Variants in MAGI2 observed in about 807,000 individuals in gnomAD.
MAGI2 encodes membrane-associated guanylate kinase, WW and PDZ domain-containing protein 2.
Under a neutral mutation model 133.3 loss-of-function variants are expected in MAGI2, and 35 were observed. That is an observed-to-expected ratio of 0.26 (90% CI 0.20 to 0.35). The LOEUF (loss-of-function observed/expected upper bound fraction) is 0.35. MAGI2 is among the 10% of genes least tolerant of loss of function. The probability of loss-of-function intolerance (pLI) is 1.00; values close to 1 mark genes in which losing one functional copy is unlikely to be tolerated. For synonymous variants in MAGI2, 729 were observed against 710.6 expected (o/e 1.03, Z -0.41); for missense variants, 1,636 against 1,863.4 (o/e 0.88, Z 2.25).
intron 9 of MAGI2, among the ~76,000 whole-genome samples, chr7:78,324,148 C>T (rs1480128939): frequency 7.6e-6 from 1 of 131,878 alleles, no homozygotes; most frequent in East Asian, 2.4e-4. Flanking sequence ...CACTACACTA[C>T]ACTACACACT....
intron 1 of MAGI2, among the ~76,000 whole-genome samples, chr7:79,234,489 A>G (rs1831694622): frequency 1.3e-5 from 2 of 151,712 alleles, no homozygotes; most frequent in Non-Finnish European, 2.9e-5. Context: ...AGGCTTTCTC[A>G]TTTCTTTTTA....
At chr7:79,059,942 G>A (rs1185396617) in intron 1 of MAGI2, among the ~76,000 whole-genome samples, 2 of 152,074 alleles carry the variant, frequency 1.3e-5, no homozygotes, top group African/African-American at 4.8e-5. Flanking sequence ...TTCATGTGTG[G>A]CATAGGTCAA....
chr7:79,181,072 C>A (rs1242198039), intron 1 of MAGI2, among the ~76,000 whole-genome samples: 3 of 151,898 alleles, frequency 2.0e-5, no homozygotes, highest in Non-Finnish European at 4.4e-5. Context: ...CATGGTCTGG[C>A]ATTGAGTATC....
intron 1 of MAGI2, among the ~76,000 whole-genome samples, chr7:79,438,469 G>T (rs1274263378): frequency 6.6e-6 from 1 of 151,976 alleles, no homozygotes; most frequent in Non-Finnish European, 1.5e-5. Context: ...ACAATATTCT[G>T]AAATATTGTG....
intron 1 of MAGI2, among the ~76,000 whole-genome samples, chr7:79,077,464 A>G (rs1290412473): frequency 6.6e-6 from 1 of 151,232 alleles, no homozygotes; most frequent in Non-Finnish European, 1.5e-5. Flanking sequence ...AGTCCCAGCT[A>G]CTCAGGAGGC....
At chr7:78,330,044 T>G (rs142119891) in intron 9 of MAGI2, among the ~76,000 whole-genome samples, 5 of 152,222 alleles carry the variant, frequency 3.3e-5, no homozygotes, top group Non-Finnish European at 1.5e-5. Context: ...GTTCATAAGA[T>G]CTTTTCATGT....
At chr7:78,534,774 G>C (rs1797741592) in intron 3 of MAGI2, among the ~76,000 whole-genome samples, 2 of 152,260 alleles carry the variant, frequency 1.3e-5, no homozygotes, top group South Asian at 2.1e-4. Context: ...TGATAGTGGG[G>C]GAGCAAGTAG....
chr7:78,666,930 T>C (rs1288296456), intron 2 of MAGI2, among the ~76,000 whole-genome samples: 1 of 152,154 alleles, frequency 6.6e-6, no homozygotes, highest in African/African-American at 2.4e-5. Flanking sequence ...CTTTATGAAA[T>C]GTGATCAGTA....
At chr7:79,193,972 T>G (rs1365552998) in intron 1 of MAGI2, among the ~76,000 whole-genome samples, 1 of 151,936 alleles carries the variant, frequency 6.6e-6, no homozygotes, top group Non-Finnish European at 1.5e-5. Flanking sequence ...GTTTGTTTGT[T>G]TGTTTTGTTT....
chr7:78,863,197 A>G (rs1328329514), intron 2 of MAGI2, among the ~76,000 whole-genome samples: 1 of 152,260 alleles, frequency 6.6e-6, no homozygotes, highest in Non-Finnish European at 1.5e-5. Flanking sequence ...GTGAGAGGCA[A>G]TGGAGGGAAG....
At chr7:78,648,265 G>C (rs1370116076) in intron 2 of MAGI2, among the ~76,000 whole-genome samples, 2 of 152,120 alleles carry the variant, frequency 1.3e-5, no homozygotes, top group Non-Finnish European at 2.9e-5. Flanking sequence ...ACACATAGAA[G>C]GATGTTCACT....
At chr7:78,286,550 T>C (rs1584725354) in intron 9 of MAGI2, among the ~76,000 whole-genome samples, 2 of 152,278 alleles carry the variant, frequency 1.3e-5, no homozygotes, top group Admixed American at 1.3e-4. Flanking sequence ...GCATTCCTTC[T>C]ATCTTGTGTA....
intron 3 of MAGI2, among the ~76,000 whole-genome samples, chr7:78,538,828 CTTTA>C (rs1373712893): frequency 6.6e-6 from 1 of 152,036 alleles, no homozygotes; most frequent in Admixed American, 6.6e-5. Context: ...TTTGGATGTC[CTTTA>C]TTTCTTTCTC....
chr7:79,145,217 T>C (rs929853844), intron 1 of MAGI2, among the ~76,000 whole-genome samples: 1 of 152,230 alleles, frequency 6.6e-6, no homozygotes, highest in Non-Finnish European at 1.5e-5. Flanking sequence ...ACTTTATTTT[T>C]CTGTTAGAAA....
chr7:78,882,086 C>CAAAAAAAAAAAAAA lies in MAGI2; in HGVS notation c.418+124990_418+125003dup, dbSNP rs771918590. On this transcript the variant is annotated intron_variant, in intron 2 of 21. Transcript: ENST00000354212. ...GCTAGATTAACAACAACAACAACAA[C>CAAAAAAAAAAAAAA]AAAAAAAAAAAAAAAAAAAAAAGAA... Among the ~76,000 whole-genome samples, 13 of 12,468 alleles carry CAAAAAAAAAAAAAA rather than the reference C, an allele frequency of 1.0e-3. 1 individual carries two copies. Among genetic ancestry groups the CAAAAAAAAAAAAAA allele is most frequent in the East Asian group, 3.2e-3 (1 of 312 alleles). 8.2% of individuals were successfully genotyped at this position (12,468 alleles called of 152,430 possible).
chr7:78,958,152 T>A (rs1260878894), intron 2 of MAGI2, among the ~76,000 whole-genome samples: 3 of 152,172 alleles, frequency 2.0e-5, no homozygotes, highest in Non-Finnish European at 4.4e-5. Flanking sequence ...TTATTTCCTT[T>A]GTCCTTCCCA....
intron 1 of MAGI2, among the ~76,000 whole-genome samples, chr7:79,033,433 A>G (rs1249194116): frequency 6.6e-6 from 1 of 152,208 alleles, no homozygotes. Context: ...ATATTTCAGA[A>G]TAAACATTTT....
At chr7:78,975,705 T>C (rs1422727424) in intron 2 of MAGI2, among the ~76,000 whole-genome samples, 3 of 151,542 alleles carry the variant, frequency 2.0e-5, no homozygotes, top group Middle Eastern at 6.8e-3. Flanking sequence ...AGGAAAATAA[T>C]AGAGAAAATC....
intron 6 of MAGI2, among the ~76,000 whole-genome samples, chr7:78,473,481 G>C (rs1271922958): frequency 3.3e-5 from 5 of 151,940 alleles, no homozygotes; most frequent in Admixed American, 6.6e-5. Flanking sequence ...AAAATCTACT[G>C]TTCTCTCCCA....
Sources: allele counts gnomAD v4.1 joint callset (sites outside exome capture counted in the v4.1 genomes callset), GRCh38; gene constraint gnomAD v4.1.1; transcripts MANE v1.5; gene names NCBI Gene and HGNC (gene_info 2026-07-23, HGNC 2026-07-21).